The following MGAM2 variants were observed in gnomAD, a reference collection of about 807,000 sequenced individuals.
MGAM2 encodes the protein maltase-glucoamylase 2 (putative), also known as probable maltase-glucoamylase 2.
Under a neutral mutation model 96.1 loss-of-function variants are expected in MGAM2, and 98 were observed. The ratio of observed to expected loss-of-function variants is 1.02; its 90% CI spans 0.87 to 1.21. The LOEUF is 1.21. Ranked by LOEUF, MGAM2 falls within the 50% of genes most tolerant of loss-of-function variation. The pLI is 0.00. For missense variants in MGAM2, 2,055 were observed against 1,182.4 expected (o/e 1.74, Z -10.82); for synonymous variants, 749 against 414.8 (o/e 1.81, Z -9.79).
chr7:142,210,187 C>T (rs539541897), intron 46 of MGAM2, among the ~76,000 whole-genome samples: 5 of 152,314 alleles, frequency 3.3e-5, no homozygotes, highest in Admixed American at 3.3e-4. Flanking sequence ...TTCCCATGGT[C>T]TTTGCAACCC....
In MGAM2 at chr7:142,221,595, A is replaced by G; in HGVS notation, c.7084A>G (p.Ser2362Gly). The G allele has an allele frequency of 2.0e-6, 1 of 502,770 alleles. No individual in the cohort carries two copies. 31.1% of individuals were successfully genotyped at this position (502,770 alleles called of 1,614,324 possible). A position where few individuals can be genotyped will look rare whatever the true frequency, so the allele number is the denominator to read the frequency against. ...AATAGATGCTACGGTCACTACTACC[A>G]GCACCAAAGATAATACCATGAGTCC... ...MVIDATVTTT[S>G]TKDNTMSPDT... is the part of the protein sequence containing the mutation. The change falls in exon 48 of 48, where the codon AGC becomes GGC. Residue 2362 changes from serine to glycine, a missense_variant. Ser to Gly is a moderately conservative substitution (Grantham distance 56, BLOSUM62 0). Transcript: ENST00000477922.
chr7:142,182,309 G>A (rs1796569100), intron 32 of MGAM2, among the ~76,000 whole-genome samples: 1 of 152,204 alleles, frequency 6.6e-6, no homozygotes, highest in Non-Finnish European at 1.5e-5. Flanking sequence ...AGGTGGGGCA[G>A]TGGAGGCTGT....
intron 37 of MGAM2, among the ~76,000 whole-genome samples, chr7:142,195,258 T>C (rs1319856878): frequency 6.6e-6 from 1 of 151,914 alleles, no homozygotes; most frequent in Non-Finnish European, 1.5e-5. Context: ...GGTCTTGAAC[T>C]TCTGGCCTCA....
rs1797941960 is a variant in MGAM2 at position 142,221,840 on chromosome 7, A to T, written c.7329A>T (p.Ser2443=). 1.7e-5 allele frequency: 7 copies of T among 400,108 alleles called. No homozygotes were observed. The East Asian group carries it at 2.5e-4, about 14-fold the overall frequency. 24.8% of individuals were successfully genotyped at this position (400,108 alleles called of 1,614,324 possible). A position where few individuals can be genotyped will look rare whatever the true frequency, so the allele number is the denominator to read the frequency against. ...CTGTTTCAAATCTCACAACAGCCTC[A>T]GTCACAATAACAGCCACTGGTCTAG... ...HISVSNLTTA[S]VTITATGLDS... is the part of the protein sequence containing the mutation. Residue 2443 remains serine (S), a synonymous_variant, in exon 48 of 48, where the codon TCA becomes TCT. Coordinates refer to ENST00000477922, the MANE Select transcript of MGAM2 (RefSeq NM_001293626.2).
chr7:142,215,291 G>C (rs764492218), intron 46 of MGAM2, among the ~76,000 whole-genome samples: 6 of 152,002 alleles, frequency 3.9e-5, no homozygotes, highest in Non-Finnish European at 7.4e-5. Flanking sequence ...TCACACACCA[G>C]GGCCTGTTGG....
intron 37 of MGAM2, among the ~76,000 whole-genome samples, chr7:142,194,687 CATGTGTGTATGTGTGT>C (rs1335971874): frequency 1.4e-4 from 17 of 118,230 alleles, no homozygotes; most frequent in Non-Finnish European, 2.8e-4. Flanking sequence ...TTTAATAGAA[CATGTGTGTATGTGTGT>C]GTGTGTGTGT....
intron 12 of MGAM2, 88 bp from the exon 13 acceptor site, chr7:142,143,681 A>G: frequency 2.2e-6 from 1 of 460,800 alleles, no homozygotes; most frequent in Non-Finnish European, 3.9e-6. Flanking sequence ...TGACAGCAAA[A>G]TGAGGCTCCT....
Position 142,126,432 on chromosome 7 carries a change from G to A in MGAM2, c.187-4516G>A, listed in dbSNP as rs905903978. Among the ~76,000 whole-genome samples, 41 of 150,752 alleles carry A rather than the reference G, an allele frequency of 2.7e-4. 1 individual carries two copies. The highest frequency in any genetic ancestry group is 2.1e-4 in the Non-Finnish European group (14 of 67,764). On this transcript the variant is annotated intron_variant, in intron 3 of 47. Coordinates refer to ENST00000477922, the MANE Select transcript of MGAM2 (RefSeq NM_001293626.2). The stretch of plus-strand genomic sequence containing the variant: ...AACTTTTCACCTTTTTCTATATTCT[G>A]AAAATACAGTATATATAATATGAGG...
At chr7:142,144,025 G>C in intron 13 of MGAM2, 143 bp downstream of exon 13, 1 of 558,042 alleles carries the variant, frequency 1.8e-6, no homozygotes, top group Admixed American at 2.7e-5. Flanking sequence ...TTTACTTAAG[G>C]CTGAGTCTAT....
chr7:142,131,121 A>C, intron 4 of MGAM2, 50 bp downstream of exon 4: 1 of 686,490 alleles, frequency 1.5e-6, no homozygotes, highest in Non-Finnish European at 2.7e-6. Flanking sequence ...TATGGCCCAG[A>C]TACGTTAACT....
chr7:142,121,927 T>C (rs1328920849), intron 3 of MGAM2, among the ~76,000 whole-genome samples: 4 of 152,130 alleles, frequency 2.6e-5, no homozygotes, highest in Non-Finnish European at 5.9e-5. Flanking sequence ...TGGCAACCCT[T>C]ATTTTATGCT....
intron 32 of MGAM2, among the ~76,000 whole-genome samples, chr7:142,180,913 A>G (rs1796517896): frequency 6.6e-6 from 1 of 152,202 alleles, no homozygotes; most frequent in South Asian, 2.1e-4. Context: ...CCATTCAGTT[A>G]AAATGGCTGT....
chr7:142,197,037 GT>G (rs1314029511), intron 40 of MGAM2, among the ~76,000 whole-genome samples: 8 of 152,230 alleles, frequency 5.3e-5, no homozygotes, highest in African/African-American at 1.9e-4. Flanking sequence ...ATGAGGAAAG[GT>G]TTTTATAGTT....
chr7:142,184,680 G>C (rs972067582), intron 33 of MGAM2, among the ~76,000 whole-genome samples: 17 of 152,168 alleles, frequency 1.1e-4, no homozygotes, highest in Non-Finnish European at 2.4e-4. Context: ...GTGCTTAAAA[G>C]TATTGAGGTG....
intron 3 of MGAM2, among the ~76,000 whole-genome samples, chr7:142,124,680 A>G (rs924691377): frequency 2.0e-5 from 3 of 152,212 alleles, no homozygotes; most frequent in Non-Finnish European, 2.9e-5. Flanking sequence ...GAAAATTACC[A>G]TCTTTACAAG....
intron 45 of MGAM2, among the ~76,000 whole-genome samples, chr7:142,203,454 A>G (rs191621476): frequency 8.3e-4 from 126 of 152,282 alleles, no homozygotes; most frequent in Non-Finnish European, 3.4e-4. Flanking sequence ...CACTATTCTT[A>G]TCAAACTAGC....
chr7:142,202,369 G>A (rs551875334), intron 45 of MGAM2, among the ~76,000 whole-genome samples: 1 of 152,254 alleles, frequency 6.6e-6, no homozygotes, highest in East Asian at 1.9e-4. Context: ...TTTGTTGCAT[G>A]GATGTATTGT....
intron 37 of MGAM2, among the ~76,000 whole-genome samples, chr7:142,194,196 C>T (rs532401803): frequency 2.6e-5 from 4 of 152,302 alleles, no homozygotes; most frequent in Admixed American, 2.6e-4. Context: ...CCATGCCCAG[C>T]TAATTTTGCA....
At chr7:142,213,535 C>CTATAAACA (rs199492833) in intron 46 of MGAM2, among the ~76,000 whole-genome samples, 95,956 of 150,914 alleles carry the variant, frequency 0.64, 30,594 homozygotes, top group Admixed American at 0.68. Context: ...TCAGAGAATA[C>CTATAAACA]TATAAACACC....
Sources: allele counts gnomAD v4.1 joint callset (sites outside exome capture counted in the v4.1 genomes callset), GRCh38; gene constraint gnomAD v4.1.1; transcripts MANE v1.5; gene names NCBI Gene and HGNC (gene_info 2026-07-23, HGNC 2026-07-21).